The following TOR1B variants were observed in gnomAD, a reference collection of about 807,000 sequenced individuals.
TOR1B encodes torsin-1B.
Under a neutral mutation model 29.2 loss-of-function variants are expected in TOR1B, and 14 were observed. That is an observed-to-expected ratio of 0.48 (90% CI 0.32 to 0.75). TOR1B has a LOEUF of 0.75. TOR1B is among the 30% of genes least tolerant of loss of function. TOR1B has a pLI of 0.04. For missense variants in TOR1B, 400 were observed against 433.9 expected, an observed-to-expected ratio of 0.92 and a Z score of 0.69; for synonymous variants, 166 against 179.8, an observed-to-expected ratio of 0.92 and a Z score of 0.62.
Position 129,803,464 on chromosome 9 carries a change from G to A in TOR1B, c.199+53G>A, listed in dbSNP as rs2030286305. ...GGCGCTGCGGGGGGCGCGGGGGCGC[G>A]GGGGCGCGGAGGGACGGCCTCGTGG... On this transcript the variant is annotated intron_variant, in intron 1 of 4. Transcript: ENST00000259339. 2.3e-5 allele frequency: 30 copies of A among 1,287,354 alleles called. No homozygotes were observed. In the South Asian group the frequency reaches 5.7e-4, roughly 24 times the overall value. The allele number at this position is 1,287,354 out of a possible 1,614,324, so 79.7% of individuals were successfully genotyped here. A position where few individuals can be genotyped will look rare whatever the true frequency, so the allele number is the denominator to read the frequency against.
In TOR1B at chr9:129,803,447, G is replaced by A. The variant is rs557942444; in HGVS notation, c.199+36G>A. 3.0e-6 allele frequency: 4 copies of A among 1,319,462 alleles called. No homozygotes were observed. The East Asian group carries it at 1.2e-4, about 40-fold the overall frequency. The allele number at this position is 1,319,462 out of a possible 1,614,324, so 81.7% of individuals were successfully genotyped here. On this transcript the variant is annotated intron_variant, in intron 1 of 4. Coordinates refer to ENST00000259339, the MANE Select transcript of TOR1B (RefSeq NM_014506.3). ...CGCGCGAGCTGTGGGTCGGCGCTGCGGGGGGCGCGGGGGCGCGGGGGCGCG... is the reference window on the plus strand; with the variant it reads ...CGCGCGAGCTGTGGGTCGGCGCTGCAGGGGGCGCGGGGGCGCGGGGGCGCG...
At position 129,807,177 on chromosome 9, in the gene TOR1B, G is replaced by A. The variant is rs748637506; in HGVS notation, c.466-11G>A. 6.2e-7 allele frequency: 1 copy of A among 1,612,190 alleles called. No individual in the cohort carries two copies. The highest frequency in any genetic ancestry group is 1.7e-5 in the Admixed American group (1 of 59,888). On this transcript the variant is annotated splice_polypyrimidine_tract_variant and intron_variant, in intron 2 of 4. Transcript: ENST00000259339. ...CTTCGCATCCTGTTTCTTCTTTCAT[G>A]GTTGGTCCAGGACCAGTTACAGAAG...
At chr9:129,803,591 C>T (rs2030295324) in intron 1 of TOR1B, among the ~76,000 whole-genome samples, 180 bp downstream of exon 1, 1 of 152,232 alleles carries the variant, frequency 6.6e-6, no homozygotes, top group Non-Finnish European at 1.5e-5. Flanking sequence ...CGCGGGAACG[C>T]AGAAGCGGTG....
At chr9:129,808,075 C>A (rs999272886) in intron 3 of TOR1B, among the ~76,000 whole-genome samples, 1 of 151,984 alleles carries the variant, frequency 6.6e-6, no homozygotes, top group Non-Finnish European at 1.5e-5. Flanking sequence ...ATTTTATTAA[C>A]TGTGCATGTT....
At position 129,809,848 on chromosome 9, in the gene TOR1B, T is replaced by C. The variant is rs2030741955; in HGVS notation, c.*265T>C. 2 of 1,337,302 alleles carry C rather than the reference T, an allele frequency of 1.5e-6. No homozygotes were observed. Among genetic ancestry groups the C allele is most frequent in the Admixed American group, 3.2e-5 (1 of 31,640 alleles). 82.8% of individuals were successfully genotyped at this position (1,337,302 alleles called of 1,614,324 possible). A position where few individuals can be genotyped will look rare whatever the true frequency, so the allele number is the denominator to read the frequency against. On this transcript the variant is annotated 3_prime_UTR_variant, in exon 5 of 5. Transcript: ENST00000259339. The stretch of plus-strand genomic sequence containing the variant: ...TCCCGAGTAGCTGGGATTACAGGCA[T>C]GAGCCACTGTGCCCAGCTGGGATAT...
intron 2 of TOR1B, 57 bp from the exon 3 acceptor site, chr9:129,807,131 C>A: frequency 6.3e-7 from 1 of 1,577,170 alleles, no homozygotes; most frequent in South Asian, 1.1e-5. Context: ...AGCCTGCGCG[C>A]CTCTTGGTGC....
intron 3 of TOR1B, among the ~76,000 whole-genome samples, chr9:129,807,763 G>A (rs1038123388): frequency 4.6e-5 from 7 of 151,554 alleles, no homozygotes; most frequent in African/African-American, 1.5e-4. Flanking sequence ...AGAGAATGGC[G>A]TGAACCCGGG....
At position 129,809,778 on chromosome 9, in the gene TOR1B, A is replaced by G; in HGVS notation, c.*195A>G. On this transcript the variant is annotated 3_prime_UTR_variant, in exon 5 of 5. Coordinates refer to ENST00000259339, the MANE Select transcript of TOR1B (RefSeq NM_014506.3). ...AGTGCAGTGGTGCAATCCTCAACTCACTGCAACCTCCGCTCCCGGTTTGAG... is the reference window on the plus strand; with the variant it reads ...AGTGCAGTGGTGCAATCCTCAACTCGCTGCAACCTCCGCTCCCGGTTTGAG... The G allele has an allele frequency of 7.1e-7, 1 of 1,410,386 alleles. No homozygotes were observed. The highest frequency in any genetic ancestry group is 1.5e-5 in the South Asian group (1 of 64,974). The allele number at this position is 1,410,386 out of a possible 1,614,324, so 87.4% of individuals were successfully genotyped here. A position where few individuals can be genotyped will look rare whatever the true frequency, so the allele number is the denominator to read the frequency against.
chr9:129,808,850 C>G lies in TOR1B; in HGVS notation c.642-55C>G. 1.9e-6 allele frequency: 3 copies of G among 1,602,592 alleles called. No homozygotes were observed. In the South Asian group the frequency reaches 3.3e-5, roughly 18 times the overall value. ...TACAGGCATGAGCCACCACACCCAG[C>G]AGACACAGAAGTCTTAATATGTGAT... On this transcript the variant is annotated intron_variant, in intron 3 of 4. Coordinates refer to ENST00000259339, the MANE Select transcript of TOR1B (RefSeq NM_014506.3).
At position 129,809,945 on chromosome 9, in the gene TOR1B, A is replaced by G. The variant is rs188921301; in HGVS notation, c.*362A>G. On this transcript the variant is annotated 3_prime_UTR_variant, in exon 5 of 5. Coordinates refer to ENST00000259339, the MANE Select transcript of TOR1B (RefSeq NM_014506.3). Reference sequence around the variant, plus strand: ...ATTTGTCATTTAGCAAGATGGCAGCAGTCCAGCTGTTCTTTGCAGCTGGAG... The same window carrying G: ...ATTTGTCATTTAGCAAGATGGCAGCGGTCCAGCTGTTCTTTGCAGCTGGAG... 9.3e-6 allele frequency: 11 copies of G among 1,188,628 alleles called. No individual in the cohort carries two copies. In the Admixed American group the frequency reaches 3.3e-4, roughly 36 times the overall value. 73.6% of individuals were successfully genotyped at this position (1,188,628 alleles called of 1,614,324 possible).
In TOR1B at chr9:129,810,828, A is replaced by G. The variant is rs2030823491; in HGVS notation, c.*1245A>G. 1 of 153,398 alleles carries G rather than the reference A, an allele frequency of 6.5e-6. No individual in the cohort carries two copies. Among genetic ancestry groups the G allele is most frequent in the Admixed American group, 6.5e-5 (1 of 15,478 alleles). The allele number at this position is 153,398 out of a possible 1,614,324, so 9.5% of individuals were successfully genotyped here. On this transcript the variant is annotated 3_prime_UTR_variant, in exon 5 of 5. Coordinates refer to ENST00000259339, the MANE Select transcript of TOR1B (RefSeq NM_014506.3). ...TAGTCCTTTCTCAGATACTCTTAAA[A>G]CAATTTTTTATTGTTAAATTTGTGG...
intron 3 of TOR1B, 121 bp from the exon 4 acceptor site, chr9:129,808,784 T>C: frequency 8.0e-7 from 1 of 1,253,856 alleles, no homozygotes; most frequent in Non-Finnish European, 1.1e-6. Flanking sequence ...ACTCCCGACC[T>C]CAGGTGATCT....
Position 129,803,300 on chromosome 9 carries a change from G to C in TOR1B, c.88G>C (p.Val30Leu), listed in dbSNP as rs749232674. ...RVVAAFEPIT[V>L]GLAIGAASAI... ...GGTGGCGGCGTTCGAGCCCATCACC[G>C]TGGGCCTAGCCATCGGGGCCGCGTC... The change falls in exon 1 of 5, where the codon GTG becomes CTG. Residue 30 changes from valine (V) to leucine (L), a missense_variant. Transcript: ENST00000259339. 1 of 1,587,612 alleles carries C rather than the reference G, an allele frequency of 6.3e-7. No individual in the cohort carries two copies. Among genetic ancestry groups the C allele is most frequent in the Admixed American group, 1.7e-5 (1 of 58,134 alleles).
At chr9:129,809,095 T>G in intron 4 of TOR1B, 63 bp downstream of exon 4, 1 of 1,548,678 alleles carries the variant, frequency 6.5e-7, no homozygotes, top group Admixed American at 2.2e-5. Flanking sequence ...GCTCTTTCAT[T>G]GAGTGTTTCA....
At position 129,810,391 on chromosome 9, in the gene TOR1B, T is replaced by G; in HGVS notation, c.*808T>G. On this transcript the variant is annotated 3_prime_UTR_variant, in exon 5 of 5. Transcript: ENST00000259339. ...TCACCTAAGACCTCTGCAGCAGACC[T>G]GGACAGACAGGCCCCTCCCGCCTGT... 8.1e-7 allele frequency: 1 copy of G among 1,229,626 alleles called. No individual in the cohort carries two copies. The highest frequency in any genetic ancestry group is 1.4e-5 in the South Asian group (1 of 71,440). The allele number at this position is 1,229,626 out of a possible 1,614,324, so 76.2% of individuals were successfully genotyped here. A position where few individuals can be genotyped will look rare whatever the true frequency, so the allele number is the denominator to read the frequency against.
Position 129,803,291 on chromosome 9 carries a change from C to T in TOR1B, c.79C>T (p.Pro27Ser). The change falls in exon 1 of 5, where the codon CCC (proline) becomes TCC (serine). Residue 27 changes from proline to serine, a missense_variant. Pro to Ser is a moderately conservative substitution (Grantham distance 74). Coordinates refer to ENST00000259339, the MANE Select transcript of TOR1B (RefSeq NM_014506.3). Reference protein sequence around the residue: ...LAARVVAAFEPITVGLAIGAA... With the variant: ...LAARVVAAFESITVGLAIGAA... ...GGCCCGAGTGGTGGCGGCGTTCGAG[C>T]CCATCACCGTGGGCCTAGCCATCGG... 6.3e-7 allele frequency: 1 copy of T among 1,579,894 alleles called. No individual in the cohort carries two copies. Among genetic ancestry groups the T allele is most frequent in the East Asian group, 2.4e-5 (1 of 41,530 alleles).
intron 2 of TOR1B, among the ~76,000 whole-genome samples, chr9:129,804,974 T>TA (rs1165597161): frequency 6.2e-5 from 9 of 145,124 alleles, no homozygotes; most frequent in African/African-American, 1.0e-4. Context: ...CCGTCTCTAC[T>TA]AAAAATACAA....
At chr9:129,807,487 T>C in intron 3 of TOR1B, 124 bp downstream of exon 3, 1 of 1,109,750 alleles carries the variant, frequency 9.0e-7, no homozygotes, top group Non-Finnish European at 1.3e-6. Context: ...ACAAGGCACT[T>C]ACCTACTGCT....
chr9:129,806,144 C>G (rs1262012292), intron 2 of TOR1B, among the ~76,000 whole-genome samples: 1 of 151,502 alleles, frequency 6.6e-6, no homozygotes, highest in Non-Finnish European at 1.5e-5. Context: ...AAAAATTCCT[C>G]CTGTTAGGTG....
Sources: allele counts gnomAD v4.1 joint callset (sites outside exome capture counted in the v4.1 genomes callset), GRCh38; gene constraint gnomAD v4.1.1; transcripts MANE v1.5; gene names NCBI Gene and HGNC (gene_info 2026-07-23, HGNC 2026-07-21).